ALK: variants seen among roughly 807,000 people sequenced by gnomAD.
ALK encodes ALK receptor tyrosine kinase, also known as ALK tyrosine kinase receptor.
In ALK, 74 loss-of-function variants were observed where a neutral mutation model predicts 163.1. The ratio of observed to expected loss-of-function variants is 0.45; its 90% CI spans 0.38 to 0.55. The LOEUF (loss-of-function observed/expected upper bound fraction) is 0.55, where lower values mean the gene tolerates loss of function less well. Among genes scored for constraint, ALK ranks in the 20% least tolerant of loss-of-function variants. The probability of loss-of-function intolerance (pLI) is 0.00; values close to 1 mark genes in which losing one functional copy is unlikely to be tolerated. For missense variants in ALK, 2,063 were observed against 2,105.3 expected (o/e 0.98, Z 0.39); for synonymous variants, 960 against 843.2 (o/e 1.14, Z -2.40).
chr2:29,886,035 TTCCTCC>T (rs1235213837), intron 1 of ALK, among the ~76,000 whole-genome samples: 1 of 152,124 alleles, frequency 6.6e-6, no homozygotes, highest in African/African-American at 2.4e-5. Context: ...ACCCACCCTT[TTCCTCC>T]TCCTCCTCAG....
At chr2:29,369,976 G>A (rs781458693) in intron 5 of ALK, among the ~76,000 whole-genome samples, 6 of 152,298 alleles carry the variant, frequency 3.9e-5, no homozygotes, top group East Asian at 1.9e-4. Context: ...GACAGCCCTC[G>A]TGCATTAGTT....
intron 1 of ALK, among the ~76,000 whole-genome samples, chr2:29,896,448 T>C (rs1667273523): frequency 6.6e-6 from 1 of 152,048 alleles, no homozygotes; most frequent in African/African-American, 2.4e-5. Flanking sequence ...ATGAGGTCAA[T>C]AAGGGTGGGG....
At position 29,921,497 on chromosome 2, in the gene ALK, C is replaced by T. The variant is rs905208667; in HGVS notation, c.-838G>A. 4.3e-6 allele frequency: 1 copy of T among 231,982 alleles called. No homozygotes were observed. The highest frequency in any genetic ancestry group is 8.5e-6 in the Non-Finnish European group (1 of 117,216). The allele number at this position is 231,982 out of a possible 1,614,324, so 14.4% of individuals were successfully genotyped here. A position where few individuals can be genotyped will look rare whatever the true frequency, so the allele number is the denominator to read the frequency against. On this transcript the variant is annotated 5_prime_UTR_variant, in exon 1 of 29. It adds an upstream start codon to the 5' untranslated region. Coordinates refer to ENST00000389048, the MANE Select transcript of ALK (RefSeq NM_004304.5). ...CCGACCAGAGGGCGGCCGGAAAGCA[C>T]CTCGGTGCCCCGCGACCCTCCGAAC... is the stretch of plus-strand genomic sequence containing the variant.
chr2:29,228,648 C>G (rs1420209284), intron 16 of ALK, among the ~76,000 whole-genome samples: 1 of 151,754 alleles, frequency 6.6e-6, no homozygotes, highest in Non-Finnish European at 1.5e-5. Flanking sequence ...TGGGGGACAT[C>G]AAGAATCACA....
At chr2:29,202,208 TTCTC>T (rs1669199200) in intron 26 of ALK, among the ~76,000 whole-genome samples, 1 of 152,204 alleles carries the variant, frequency 6.6e-6, no homozygotes, top group Admixed American at 6.5e-5. Flanking sequence ...TGGAAAGCCT[TTCTC>T]TCAGATCTTT....
At chr2:29,458,942 T>A (rs1671021687) in intron 4 of ALK, among the ~76,000 whole-genome samples, 1 of 152,110 alleles carries the variant, frequency 6.6e-6, no homozygotes, top group Non-Finnish European at 1.5e-5. Context: ...CCTCACTGAG[T>A]GGTTCCCAGT....
At chr2:29,252,221 C>T (rs1276148063) in intron 11 of ALK, among the ~76,000 whole-genome samples, 2 of 142,930 alleles carry the variant, frequency 1.4e-5, no homozygotes, top group African/African-American at 2.5e-5. Context: ...ATCTTTGAGC[C>T]AGACCAAACC....
chr2:29,197,043 A>G (rs980327725), intron 27 of ALK, among the ~76,000 whole-genome samples, 183 bp from the exon 28 acceptor site: 1 of 152,150 alleles, frequency 6.6e-6, no homozygotes, highest in Non-Finnish European at 1.5e-5. Context: ...AAAGGTATCT[A>G]ACACAGACAT....
At chr2:29,774,920 G>A (rs367647293) in intron 1 of ALK, among the ~76,000 whole-genome samples, 2 of 152,246 alleles carry the variant, frequency 1.3e-5, no homozygotes, top group Admixed American at 6.5e-5. Flanking sequence ...ATTCTGAATC[G>A]GGGATGGGTT....
At chr2:29,434,152 G>A (rs1446235672) in intron 4 of ALK, among the ~76,000 whole-genome samples, 2 of 152,104 alleles carry the variant, frequency 1.3e-5, no homozygotes, top group Admixed American at 1.3e-4. Context: ...ATTATCCTTG[G>A]TTGGAAAGGG....
At chr2:29,556,257 T>C (rs1673856161) in intron 3 of ALK, among the ~76,000 whole-genome samples, 1 of 152,168 alleles carries the variant, frequency 6.6e-6, no homozygotes, top group Admixed American at 6.5e-5. Context: ...GGACAAGGCA[T>C]GTAGCGTTTC....
chr2:29,567,895 G>A (rs917996949), intron 3 of ALK, among the ~76,000 whole-genome samples: 5 of 152,192 alleles, frequency 3.3e-5, no homozygotes, highest in African/African-American at 4.8e-5. Flanking sequence ...TACTAGGCTT[G>A]GGGATGTGTG....
At chr2:29,407,851 A>T (rs1261725167) in intron 4 of ALK, among the ~76,000 whole-genome samples, 1 of 151,970 alleles carries the variant, frequency 6.6e-6, no homozygotes. Context: ...CACCTGGTAG[A>T]CTCCTCCACC....
chr2:29,480,236 G>A (rs1254977842), intron 4 of ALK, among the ~76,000 whole-genome samples: 3 of 152,130 alleles, frequency 2.0e-5, no homozygotes, highest in African/African-American at 4.8e-5. Flanking sequence ...GCAGAGTGAC[G>A]TGAGGCTGAA....
intron 3 of ALK, among the ~76,000 whole-genome samples, chr2:29,657,058 T>A (rs1677205150): frequency 6.6e-6 from 1 of 152,100 alleles, no homozygotes; most frequent in South Asian, 2.1e-4. Context: ...ATTGGTGAAG[T>A]TGCAAGGAGG....
chr2:29,487,022 C>T (rs941274120), intron 4 of ALK, among the ~76,000 whole-genome samples: 4 of 152,172 alleles, frequency 2.6e-5, no homozygotes, highest in Admixed American at 2.6e-4. Flanking sequence ...ACAATGCCAA[C>T]TAACTGACCT....
At chr2:29,473,681 C>G (rs1443196881) in intron 4 of ALK, among the ~76,000 whole-genome samples, 1 of 150,774 alleles carries the variant, frequency 6.6e-6, no homozygotes, top group Admixed American at 6.7e-5. Flanking sequence ...CCAGCCTGGC[C>G]AACATGGCAA....
intron 9 of ALK, among the ~76,000 whole-genome samples, chr2:29,295,304 G>A (rs1322721536): frequency 6.6e-6 from 1 of 152,122 alleles, no homozygotes. Context: ...GAGTAGCTAT[G>A]AAAGAGAGAA....
chr2:29,323,922 C>T (rs1447860228), intron 6 of ALK, among the ~76,000 whole-genome samples: 1 of 152,180 alleles, frequency 6.6e-6, no homozygotes, highest in Non-Finnish European at 1.5e-5. Context: ...TAACTCTTTA[C>T]CACTCAAAAT....
Sources: gnomAD v4.1 joint callset for allele counts (sites outside exome capture counted in the v4.1 genomes callset) on GRCh38, gnomAD v4.1.1 for gene constraint, MANE v1.5 for transcripts, NCBI Gene and HGNC (gene_info 2026-07-23, HGNC 2026-07-21) for gene names.